BLVRA: variants seen among roughly 807,000 people sequenced by gnomAD.
The protein encoded by BLVRA is BVR A.
Under a neutral mutation model 32.8 loss-of-function variants are expected in BLVRA, and 22 were observed. That is an observed-to-expected ratio of 0.67 (90% confidence interval 0.48 to 0.96). BLVRA has a LOEUF of 0.96. Ranked by LOEUF, BLVRA falls within the 40% of genes least tolerant of loss-of-function variation. BLVRA has a pLI of 0.00. For synonymous variants in BLVRA, 119 were observed against 141.3 expected, an observed-to-expected ratio of 0.84 and a Z score of 1.12; for missense variants, 323 against 358.1, an observed-to-expected ratio of 0.90 and a Z score of 0.79.
intron 6 of BLVRA, among the ~76,000 whole-genome samples, chr7:43,802,642 G>A (rs1024567803): frequency 1.1e-4 from 16 of 152,098 alleles, no homozygotes; most frequent in Non-Finnish European, 2.2e-4. Flanking sequence ...GGGGCTGCAG[G>A]TGTGCACCAC....
intron 2 of BLVRA, among the ~76,000 whole-genome samples, chr7:43,784,163 T>C (rs943874776): frequency 6.6e-6 from 1 of 152,204 alleles, no homozygotes; most frequent in African/African-American, 2.4e-5. Flanking sequence ...CTGCTCCTGT[T>C]CTTTGTTCCT....
At chr7:43,790,964 C>T (rs567171642) in intron 3 of BLVRA, among the ~76,000 whole-genome samples, 6 of 152,320 alleles carry the variant, frequency 3.9e-5, no homozygotes, top group South Asian at 2.1e-4. Flanking sequence ...TGAGCCACCG[C>T]GCCCAGCTGT....
chr7:43,759,465 T>C (rs2095739925), intron 1 of BLVRA, among the ~76,000 whole-genome samples: 1 of 152,262 alleles, frequency 6.6e-6, no homozygotes, highest in Admixed American at 6.5e-5. Context: ...TTTTCCATCC[T>C]ATTATACCGC....
At chr7:43,764,609 C>T (rs938026446) in intron 1 of BLVRA, among the ~76,000 whole-genome samples, 1 of 151,704 alleles carries the variant, frequency 6.6e-6, no homozygotes, top group African/African-American at 2.4e-5. Context: ...TGGCAGAGTA[C>T]CAAGGAAAAG....
chr7:43,786,110 A>AT (rs1431907981), intron 2 of BLVRA, among the ~76,000 whole-genome samples: 4 of 152,238 alleles, frequency 2.6e-5, no homozygotes, highest in Admixed American at 2.0e-4. Flanking sequence ...AGTAAAAAAA[A>AT]GCAAGACCTA....
At chr7:43,759,555 A>C (rs2095740003) in intron 1 of BLVRA, among the ~76,000 whole-genome samples, 1 of 152,216 alleles carries the variant, frequency 6.6e-6, no homozygotes, top group African/African-American at 2.4e-5. Context: ...GGTAATCATA[A>C]TGCTTACTTA....
In BLVRA at chr7:43,795,710, C is replaced by T. The variant is rs1005911125; in HGVS notation, c.352+2898C>T. Among the ~76,000 whole-genome samples, 8 of 151,550 alleles carry T rather than the reference C, an allele frequency of 5.3e-5. No homozygotes were observed. The East Asian group carries it at 1.5e-3, about 29-fold the overall frequency. ...AGAAAAAAGCAAGTAAAGATTAGAA[C>T]ATAAATAAAATAGAGAGTAGAAAAG... is the stretch of plus-strand genomic sequence containing the variant. On this transcript the variant is annotated intron_variant, in intron 5 of 7. Coordinates refer to ENST00000265523, the MANE Select transcript of BLVRA (RefSeq NM_000712.4).
intron 1 of BLVRA, among the ~76,000 whole-genome samples, chr7:43,762,267 A>G (rs1430008115): frequency 6.6e-6 from 1 of 151,994 alleles, no homozygotes; most frequent in Non-Finnish European, 1.5e-5. Flanking sequence ...GCATCACAGG[A>G]TGTTTTGCAG....
intron 1 of BLVRA, among the ~76,000 whole-genome samples, chr7:43,762,329 C>T (rs910121704): frequency 2.0e-5 from 3 of 151,794 alleles, no homozygotes; most frequent in Non-Finnish European, 4.4e-5. Flanking sequence ...CTTTTCCCCC[C>T]GAGTACAACA....
chr7:43,776,776 T>G (rs1021327987), intron 2 of BLVRA, among the ~76,000 whole-genome samples: 4 of 152,062 alleles, frequency 2.6e-5, no homozygotes, highest in African/African-American at 7.2e-5. Context: ...TGTGGGAGTC[T>G]AAGTCTCTTT....
chr7:43,795,442 G>A (rs1275509533), intron 5 of BLVRA, among the ~76,000 whole-genome samples: 2 of 152,104 alleles, frequency 1.3e-5, no homozygotes, highest in Admixed American at 1.3e-4. Flanking sequence ...CTTAAACCCA[G>A]GAGGCAGAGG....
chr7:43,758,445 A>T (rs908254287), upstream of BLVRA, among the ~76,000 whole-genome samples: 1 of 116,432 alleles, frequency 8.6e-6, no homozygotes, highest in African/African-American at 2.7e-5. Context: ...ACCCCTCGCC[A>T]CCAAGCTGGG....
Position 43,787,929 on chromosome 7 carries a change from T to G in BLVRA, c.38T>G (p.Val13Gly), listed in dbSNP as rs1442140201. ...AEPERKFGVV[V>G]VGVGRAGSVR... Reference sequence around the variant, plus strand: ...CCCGAGAGGAAGTTTGGCGTGGTGGTGGTTGGTGTTGGCCGAGCCGGCTCC... The same window carrying G: ...CCCGAGAGGAAGTTTGGCGTGGTGGGGGTTGGTGTTGGCCGAGCCGGCTCC... Residue 13 changes from valine to glycine, a missense_variant, in exon 3 of 8, where the codon GTG (valine) becomes GGG (glycine). Transcript: ENST00000265523. The surrounding 1 kb of genome is among the most constrained non-coding windows in gnomAD (Gnocchi z 4.5). The G allele has an allele frequency of 6.2e-7, 1 of 1,614,006 alleles. No homozygotes were observed. Among genetic ancestry groups the G allele is most frequent in the Admixed American group, 1.7e-5 (1 of 59,996 alleles).
chr7:43,771,287 C>T, intron 2 of BLVRA, 117 bp downstream of exon 2: 1 of 1,236,456 alleles, frequency 8.1e-7, no homozygotes, highest in Admixed American at 1.8e-5. Context: ...AGAACATTTC[C>T]CCTCTAGCCT....
At chr7:43,804,964 A>T (rs142016472) in intron 7 of BLVRA, among the ~76,000 whole-genome samples, 2 of 152,318 alleles carry the variant, frequency 1.3e-5, no homozygotes, top group Non-Finnish European at 2.9e-5. Context: ...AAAGGCAGAG[A>T]GGCCTGGCAG....
intron 6 of BLVRA, 106 bp downstream of exon 6, chr7:43,800,678 C>G: frequency 2.9e-6 from 3 of 1,048,790 alleles, no homozygotes; most frequent in South Asian, 2.7e-5. Flanking sequence ...GCTCAAGACT[C>G]TCTGACTCAG....
rs17245862 is a variant in BLVRA at position 43,771,658 on chromosome 7, C to A, written c.12+488C>A. Among the ~76,000 whole-genome samples, 1,086 of 152,338 alleles carry A rather than the reference C, an allele frequency of 7.1e-3. 11 individuals are homozygous for A. Among genetic ancestry groups the A allele is most frequent in the African/African-American group, 0.025 (1,029 of 41,564 alleles). Reference sequence around the variant, plus strand: ...TTGGGGTTCATCACTTCAGCCACTGCTGTGCTGACGCCCACTATGCTTTTC... The same window carrying A: ...TTGGGGTTCATCACTTCAGCCACTGATGTGCTGACGCCCACTATGCTTTTC... On this transcript the variant is annotated intron_variant, in intron 2 of 7. Coordinates refer to ENST00000265523, the MANE Select transcript of BLVRA (RefSeq NM_000712.4).
chr7:43,772,001 T>C (rs1172961296), intron 2 of BLVRA, among the ~76,000 whole-genome samples: 1 of 152,172 alleles, frequency 6.6e-6, no homozygotes, highest in Non-Finnish European at 1.5e-5. Flanking sequence ...CTCCCTCAAT[T>C]CCTGCCTCTC....
At chr7:43,794,055 C>T (rs1205570307) in intron 5 of BLVRA, among the ~76,000 whole-genome samples, 1 of 151,844 alleles carries the variant, frequency 6.6e-6, no homozygotes, top group East Asian at 2.0e-4. Context: ...CCAGCCTGGG[C>T]AACATGGTGA....
Sources: gnomAD v4.1 joint callset for allele counts (sites outside exome capture counted in the v4.1 genomes callset) on GRCh38, gnomAD v4.1.1 for gene constraint, Gnocchi (gnomAD v3.1) non-coding constraint, MANE v1.5 for transcripts, NCBI Gene and HGNC (gene_info 2026-07-23, HGNC 2026-07-21) for gene names.